Variants in ELAVL2 observed in about 807,000 individuals in gnomAD.
ELAVL2 encodes ELAV like RNA binding protein 2, also known as ELAV-like protein 2.
In ELAVL2, 4 loss-of-function variants were observed where a neutral mutation model predicts 34.6. That is an observed-to-expected ratio of 0.12 (90% CI 0.06 to 0.26). ELAVL2 has a LOEUF of 0.26. Ranked by LOEUF, ELAVL2 falls within the 10% of genes least tolerant of loss-of-function variation. The pLI is 1.00. For missense variants in ELAVL2, 432 were observed against 442.8 expected, an observed-to-expected ratio of 0.98 and a Z score of 0.22; for synonymous variants, 193 against 154.8, an observed-to-expected ratio of 1.25 and a Z score of -1.83.
intron 3 of ELAVL2, among the ~76,000 whole-genome samples, chr9:23,706,220 A>C (rs548638631): frequency 1.1e-4 from 17 of 152,268 alleles, no homozygotes; most frequent in African/African-American, 3.9e-4. Flanking sequence ...AAATCCCACA[A>C]GGACGAAAGA....
intron 1 of ELAVL2, among the ~76,000 whole-genome samples, chr9:23,817,471 C>T (rs1245713905): frequency 6.6e-6 from 1 of 152,136 alleles, no homozygotes; most frequent in African/African-American, 2.4e-5. Flanking sequence ...ATTCAGTTCA[C>T]GCATTGAGAG....
At chr9:23,742,742 G>A (rs2049561260) in intron 2 of ELAVL2, among the ~76,000 whole-genome samples, 1 of 152,138 alleles carries the variant, frequency 6.6e-6, no homozygotes, top group African/African-American at 2.4e-5. Flanking sequence ...GTCCCCAGTC[G>A]ACACAAGGAT....
At chr9:23,767,800 C>G (rs960648059) in intron 1 of ELAVL2, among the ~76,000 whole-genome samples, 2 of 152,106 alleles carry the variant, frequency 1.3e-5, no homozygotes, top group Non-Finnish European at 1.5e-5. Context: ...TATATCCTAA[C>G]TATATTCTGA....
At chr9:23,709,082 T>C (rs1587481612) in intron 3 of ELAVL2, among the ~76,000 whole-genome samples, 1 of 152,332 alleles carries the variant, frequency 6.6e-6, no homozygotes. Context: ...CAATGCCATT[T>C]TCGTTCACTT....
intron 1 of ELAVL2, among the ~76,000 whole-genome samples, chr9:23,792,734 A>T (rs182279859): frequency 6.6e-6 from 1 of 152,142 alleles, no homozygotes; most frequent in Non-Finnish European, 1.5e-5. Context: ...CATCCTCTGA[A>T]TCTGTTGCAT....
intron 1 of ELAVL2, among the ~76,000 whole-genome samples, chr9:23,762,531 T>C (rs2026037): frequency 0.13 from 19,410 of 152,044 alleles, 1,655 homozygotes; most frequent in East Asian, 0.21. Flanking sequence ...TATTCACATA[T>C]CCTTACTCAC....
the ELAVL2 span, among the ~76,000 whole-genome samples, chr9:23,833,694 T>C: frequency 7.2e-5 from 11 of 151,894 alleles, no homozygotes; most frequent in African/African-American, 9.7e-5. Context: ...TTATAAATGA[T>C]GAAAAATAAA....
At chr9:23,835,076 G>A in the ELAVL2 span, among the ~76,000 whole-genome samples, 1 of 152,002 alleles carries the variant, frequency 6.6e-6, no homozygotes, top group Non-Finnish European at 1.5e-5. Flanking sequence ...TTTCCCGGAT[G>A]TCAGTCTTTC....
the ELAVL2 span, among the ~76,000 whole-genome samples, chr9:23,844,084 G>A: frequency 6.6e-6 from 1 of 151,998 alleles, no homozygotes; most frequent in East Asian, 1.9e-4. Context: ...AAAAAAGTCA[G>A]TAAGCAAAAT....
chr9:23,704,865 C>T, intron 4 of ELAVL2, 53 bp downstream of exon 4: 2 of 1,597,632 alleles, frequency 1.3e-6, no homozygotes, highest in East Asian at 4.5e-5. Flanking sequence ...GAATATTTCA[C>T]AATCTGCTAG....
intron 1 of ELAVL2, among the ~76,000 whole-genome samples, chr9:23,800,703 T>C (rs987147301): frequency 6.6e-6 from 1 of 152,208 alleles, no homozygotes; most frequent in African/African-American, 2.4e-5. Flanking sequence ...TTAGAAAATT[T>C]GACTTACTTA....
intron 1 of ELAVL2, among the ~76,000 whole-genome samples, chr9:23,780,507 T>A (rs990516884): frequency 2.0e-5 from 3 of 152,172 alleles, no homozygotes; most frequent in Non-Finnish European, 2.9e-5. Context: ...TCTTAGAAAA[T>A]TTGTGGTCAA....
intron 3 of ELAVL2, 106 bp from the exon 4 acceptor site, chr9:23,705,177 A>T (rs1433394908): frequency 7.6e-7 from 1 of 1,311,594 alleles, no homozygotes; most frequent in Non-Finnish European, 1.0e-6. Context: ...AGCATAGAAC[A>T]CTGAAGTTCA....
At chr9:23,797,463 AT>A (rs1392239129) in intron 1 of ELAVL2, among the ~76,000 whole-genome samples, 4 of 152,318 alleles carry the variant, frequency 2.6e-5, no homozygotes, top group South Asian at 2.1e-4. Context: ...CTTCAATAAA[AT>A]CCCAAAGGCC....
intron 1 of ELAVL2, among the ~76,000 whole-genome samples, chr9:23,792,031 T>G (rs939294960): frequency 2.0e-5 from 3 of 152,216 alleles, no homozygotes; most frequent in African/African-American, 7.2e-5. Flanking sequence ...CTAAACTTTG[T>G]AATGGTGCAA....
intron 3 of ELAVL2, among the ~76,000 whole-genome samples, chr9:23,705,804 G>T (rs367864031): frequency 4.6e-5 from 7 of 152,248 alleles, no homozygotes; most frequent in African/African-American, 1.7e-4. Flanking sequence ...TGTGTGCACT[G>T]GTTCCTAACA....
upstream of ELAVL2, among the ~76,000 whole-genome samples, chr9:23,830,624 A>ACACACACACACACACACACC (rs34847005): frequency 8.1e-6 from 1 of 124,066 alleles, no homozygotes; most frequent in African/African-American, 2.9e-5. Context: ...ACACACACAC[A>ACACACACACACACACACACC]CCTTTTTTTT....
chr9:23,732,045 G>T (rs919247070), intron 2 of ELAVL2, among the ~76,000 whole-genome samples: 1 of 152,146 alleles, frequency 6.6e-6, no homozygotes, highest in Admixed American at 6.6e-5. Context: ...GTTTGAAATG[G>T]CAAGAAACAT....
chr9:23,810,430 C>T (rs181513417), intron 1 of ELAVL2, among the ~76,000 whole-genome samples: 83 of 152,184 alleles, frequency 5.5e-4, no homozygotes, highest in African/African-American at 2.0e-3. Context: ...AAAAAATAAT[C>T]CTGGTACAAC....
Sources: allele counts gnomAD v4.1 joint callset (sites outside exome capture counted in the v4.1 genomes callset), GRCh38; gene constraint gnomAD v4.1.1; transcripts MANE v1.5; gene names NCBI Gene and HGNC (gene_info 2026-07-23, HGNC 2026-07-21).